The following STX11 variants were observed in gnomAD, a reference collection of about 807,000 sequenced individuals.
The protein encoded by STX11 is syntaxin 11.
A neutral mutation model predicts 19.9 loss-of-function variants in STX11; 21 were observed. That is an observed-to-expected ratio of 1.06 (90% CI 0.75 to 1.52). The LOEUF is 1.52. Among genes scored for constraint, STX11 ranks in the 40% most tolerant of loss-of-function variants. The pLI, the probability that STX11 is intolerant of heterozygous loss-of-function variation, is 0.00. For missense variants in STX11, 438 were observed against 405.9 expected (o/e 1.08, Z -0.68); for synonymous variants, 193 against 174.4 (o/e 1.11, Z -0.84).
chr6:144,177,496 C>G lies in STX11; in HGVS notation c.-5-9127C>G, dbSNP rs1027686392. Among the ~76,000 whole-genome samples, 1 of 152,224 alleles carries G rather than the reference C, an allele frequency of 6.6e-6. No individual in the cohort carries two copies. The highest frequency in any genetic ancestry group is 1.5e-5 in the Non-Finnish European group (1 of 68,046). On this transcript the variant is annotated intron_variant, in intron 1 of 1. Coordinates refer to ENST00000367568, the MANE Select transcript of STX11 (RefSeq NM_003764.4). The surrounding 1 kb of genome is among the most constrained non-coding windows in gnomAD (Gnocchi z 4.4). ...GGGAGCGGTGGCTCACGCCTGTAAT[C>G]CCAGCACTTTGGGAGGCTGAGGCAG...
In STX11 at chr6:144,188,977, C is replaced by T. The variant is rs1034372826; in HGVS notation, c.*1486C>T. On this transcript the variant is annotated 3_prime_UTR_variant, in exon 2 of 2. Transcript: ENST00000367568. ...TCCTGACCTCGTGATCCGCCCGCCT[C>T]AGCCTCCCATAGTGCTGGGATTACA... Among the ~76,000 whole-genome samples, 25 of 152,060 alleles carry T rather than the reference C, an allele frequency of 1.6e-4. No individual in the cohort carries two copies. Among genetic ancestry groups the T allele is most frequent in the African/African-American group, 5.8e-4 (24 of 41,392 alleles).
rs1010928426 is a variant in STX11, at chr6:144,153,247, A to G, written c.-6+2544A>G. On this transcript the variant is annotated intron_variant, in intron 1 of 1. Coordinates refer to ENST00000367568, the MANE Select transcript of STX11 (RefSeq NM_003764.4). The surrounding 1 kb of genome is among the most constrained non-coding windows in gnomAD (Gnocchi z 5.0). ...TGAGAGCCCTAAAGTTACTTTTTCT[A>G]TGAGAAAGAAAGGGTCGAGTTTGTC... Among the ~76,000 whole-genome samples the G allele has an allele frequency of 6.6e-6, 1 of 152,170 alleles. No individual in the cohort carries two copies. Among genetic ancestry groups the G allele is most frequent in the Non-Finnish European group, 1.5e-5 (1 of 68,024 alleles).
In STX11 at chr6:144,188,829, C is replaced by T. The variant is rs886061149; in HGVS notation, c.*1338C>T. ...GCAACCTCTGTCTCCCAGGTTCGAG[C>T]GATTCTCCTGACTCAGCCTCCTGAG... On this transcript the variant is annotated 3_prime_UTR_variant, in exon 2 of 2. Transcript: ENST00000367568. 8.1e-4 allele frequency among the ~76,000 whole-genome samples: 119 copies of T among 146,184 alleles called. 1 individual carries two copies. Among genetic ancestry groups the T allele is most frequent in the African/African-American group, 2.9e-3 (114 of 39,146 alleles).
Position 144,187,670 on chromosome 6 carries a change from A to C in STX11, c.*179A>C. On this transcript the variant is annotated 3_prime_UTR_variant, in exon 2 of 2. Coordinates refer to ENST00000367568, the MANE Select transcript of STX11 (RefSeq NM_003764.4). The surrounding 1 kb of genome is among the most constrained non-coding windows in gnomAD (Gnocchi z 5.6). The stretch of plus-strand genomic sequence containing the variant: ...CCAGCCTGTGCTTGGAAAGATGGTT[A>C]GTTGATACCGTCCGATGATTCTTCA... 1.3e-6 allele frequency: 1 copy of C among 777,946 alleles called. No individual in the cohort carries two copies. The highest frequency in any genetic ancestry group is 2.1e-6 in the Non-Finnish European group (1 of 479,980). The allele number at this position is 777,946 out of a possible 1,614,324, so 48.2% of individuals were successfully genotyped here. A position where few individuals can be genotyped will look rare whatever the true frequency, so the allele number is the denominator to read the frequency against.
Position 144,187,452 on chromosome 6 carries a change from C to T in STX11, c.825C>T (p.Cys275=), listed in dbSNP as rs765169697. Residue 275 remains cysteine, a synonymous_variant, in exon 2 of 2, where the codon TGC becomes TGT. Transcript: ENST00000367568. This position sits in a 1 kb window ranked among gnomAD's most constrained non-coding sequence, Gnocchi z 5.6. The part of the protein sequence containing the change: ...KAVQYEEKNP[C]RTLCCFCCPC... ...TGCAGTACGAGGAGAAGAACCCCTG[C>T]CGGACCCTCTGCTGCTTCTGCTGTC... The T allele has an allele frequency of 1.1e-5, 18 of 1,612,334 alleles. No homozygotes were observed. Among genetic ancestry groups the T allele is most frequent in the African/African-American group, 1.3e-5 (1 of 74,930 alleles).
intron 1 of STX11, among the ~76,000 whole-genome samples, chr6:144,158,421 A>C (rs1363639643): frequency 6.6e-6 from 1 of 152,210 alleles, no homozygotes; most frequent in East Asian, 1.9e-4. Context: ...AGAGATGCCA[A>C]ATTTTTTGAA....
upstream of STX11, among the ~76,000 whole-genome samples, chr6:144,149,178 G>A (rs1039611985): frequency 1.3e-5 from 2 of 152,064 alleles, no homozygotes; most frequent in Non-Finnish European, 2.9e-5. This position sits in a 1 kb window ranked among gnomAD's most constrained non-coding sequence, Gnocchi z 5.1. Flanking sequence ...TTTCCACATT[G>A]TACTATTTTG....
intron 1 of STX11, among the ~76,000 whole-genome samples, chr6:144,166,290 A>G (rs147662122): frequency 4.5e-4 from 69 of 152,314 alleles, no homozygotes; most frequent in African/African-American, 1.6e-3. Flanking sequence ...TTTGTTCCCA[A>G]AAGAAAACCT....
At chr6:144,141,238 T>C in the STX11 span, among the ~76,000 whole-genome samples, 2 of 152,324 alleles carry the variant, frequency 1.3e-5, no homozygotes, top group Admixed American at 1.3e-4. Context: ...CCATTCTCCT[T>C]CACAGAAAAC....
chr6:144,153,916 A>G lies in STX11; in HGVS notation c.-6+3213A>G, dbSNP rs1288175426. ...CTAAAGGGTGGTGAGGAGCTCACACAGTACTTGGCACATAATCAGTGCTCA... is the reference window on the plus strand; with the variant it reads ...CTAAAGGGTGGTGAGGAGCTCACACGGTACTTGGCACATAATCAGTGCTCA... On this transcript the variant is annotated intron_variant, in intron 1 of 1. Coordinates refer to ENST00000367568, the MANE Select transcript of STX11 (RefSeq NM_003764.4). The surrounding 1 kb of genome is among the most constrained non-coding windows in gnomAD (Gnocchi z 5.0). Among the ~76,000 whole-genome samples the G allele has an allele frequency of 1.3e-5, 2 of 152,254 alleles. No individual in the cohort carries two copies. Among genetic ancestry groups the G allele is most frequent in the Non-Finnish European group, 2.9e-5 (2 of 68,048 alleles).
chr6:144,157,859 T>TC (rs1249427298), intron 1 of STX11, among the ~76,000 whole-genome samples: 2 of 151,332 alleles, frequency 1.3e-5, no homozygotes, highest in Non-Finnish European at 1.5e-5. Flanking sequence ...ATATTAGGGT[T>TC]CCCCCCGCTC....
chr6:144,177,185 C>T lies in STX11; in HGVS notation c.-5-9438C>T, dbSNP rs1203624555. On this transcript the variant is annotated intron_variant, in intron 1 of 1. Coordinates refer to ENST00000367568, the MANE Select transcript of STX11 (RefSeq NM_003764.4). The surrounding 1 kb of genome is among the most constrained non-coding windows in gnomAD (Gnocchi z 4.4). The stretch of plus-strand genomic sequence containing the variant: ...TCAAAGATACTTCATGGAATAGTTA[C>T]AAAATATAAAGGAATTACTTAAAGG... Among the ~76,000 whole-genome samples, 1 of 152,162 alleles carries T rather than the reference C, an allele frequency of 6.6e-6. No individual in the cohort carries two copies. The highest frequency in any genetic ancestry group is 1.9e-4 in the East Asian group (1 of 5,202).
chr6:144,187,456 A>G lies in STX11; in HGVS notation c.829A>G (p.Thr277Ala), dbSNP rs9496891. The G allele has an allele frequency of 6.9e-3, 11,124 of 1,611,902 alleles. 628 individuals are homozygous for G. The African/African-American group carries it at 0.12, about 18-fold the overall frequency. ...GTACGAGGAGAAGAACCCCTGCCGG[A>G]CCCTCTGCTGCTTCTGCTGTCCCTG... ...VQYEEKNPCR[T>A]LCCFCCPCLK The change falls in exon 2 of 2, where the codon ACC (threonine) becomes GCC (alanine). Residue 277 changes from threonine to alanine, a missense_variant. By Grantham distance (58) the Thr-to-Ala change is moderately conservative (BLOSUM62 0). Coordinates refer to ENST00000367568, the MANE Select transcript of STX11 (RefSeq NM_003764.4). The surrounding 1 kb of genome is among the most constrained non-coding windows in gnomAD (Gnocchi z 5.6).
chr6:144,185,986 C>T (rs1222723176), intron 1 of STX11, among the ~76,000 whole-genome samples: 2 of 151,660 alleles, frequency 1.3e-5, no homozygotes, highest in East Asian at 3.9e-4. Context: ...TAGATGTTGG[C>T]CCCAAAGCCT....
At chr6:144,140,241 TATATATATATATA>T in the STX11 span, among the ~76,000 whole-genome samples, 8 of 50,170 alleles carry the variant, frequency 1.6e-4, no homozygotes, top group African/African-American at 1.1e-3. Context: ...TATATATATA[TATATATATATATA>T]TTTATTTATT....
the STX11 span, among the ~76,000 whole-genome samples, chr6:144,140,243 TATATATATA>T: frequency 2.0e-4 from 10 of 50,904 alleles, 1 homozygote; most frequent in African/African-American, 8.8e-4. Context: ...TATATATATA[TATATATATA>T]TATTTATTTA....
At chr6:144,164,539 T>G (rs1801427707) in intron 1 of STX11, among the ~76,000 whole-genome samples, 2 of 152,230 alleles carry the variant, frequency 1.3e-5, no homozygotes, top group Non-Finnish European at 2.9e-5. Flanking sequence ...ATTCCCATGA[T>G]AAACATTACC....
the STX11 span, among the ~76,000 whole-genome samples, chr6:144,140,357 C>T: frequency 7.3e-5 from 11 of 150,870 alleles, no homozygotes; most frequent in East Asian, 2.0e-4. Context: ...TGGGTTCAAG[C>T]GATTCTCCTG....
chr6:144,187,479 C>CT lies in STX11; in HGVS notation c.853dup (p.Cys285LeufsTer70), dbSNP rs757595873. The CT allele has an allele frequency of 3.7e-6, 6 of 1,612,604 alleles. No homozygotes were observed. The highest frequency in any genetic ancestry group is 5.1e-6 in the Non-Finnish European group (6 of 1,179,968). ...GGACCCTCTGCTGCTTCTGCTGTCC[C>CT]TGCCTCAAGTAGCAGGCCGGCCCGG... On this transcript the variant is annotated frameshift_variant, in exon 2 of 2. Transcript: ENST00000367568. LOFTEE classifies it high-confidence loss of function. The surrounding 1 kb of genome is among the most constrained non-coding windows in gnomAD (Gnocchi z 5.6).
Sources: allele counts gnomAD v4.1 joint callset (sites outside exome capture counted in the v4.1 genomes callset), GRCh38; gene constraint gnomAD v4.1.1; non-coding constraint Gnocchi (gnomAD v3.1); transcripts MANE v1.5; gene names NCBI Gene and HGNC (gene_info 2026-07-23, HGNC 2026-07-21).